Variants in NRDC observed in about 807,000 individuals in gnomAD.
NRDC encodes nardilysin.
A neutral mutation model predicts 147.1 loss-of-function variants in NRDC; 54 were observed. The observed-to-expected ratio is 0.37, with a 90% CI of 0.29 to 0.46. The LOEUF (loss-of-function observed/expected upper bound fraction) is 0.46. NRDC is among the 20% of genes least tolerant of loss of function. The pLI is 1.00. For missense variants in NRDC, 1,082 were observed against 1,370.6 expected (o/e 0.79, Z 3.33); for synonymous variants, 440 against 482.1 (o/e 0.91, Z 1.14).
Position 51,789,600 on chromosome 1 carries a change from T to G in NRDC, c.3226A>C (p.Arg1076=). 6.2e-7 allele frequency: 1 copy of G among 1,613,752 alleles called. No homozygotes were observed. Among genetic ancestry groups the G allele is most frequent in the Non-Finnish European group, 8.5e-7 (1 of 1,179,608 alleles). Residue 1076 remains arginine (R), a synonymous_variant, in exon 30 of 31, where the codon AGA becomes CGA. Transcript: ENST00000352171. ...CTGAGCATTTTACTTCCTGGCCCTC[T>G]ATGGGCCTTGAACCAGTTGACCAGG... ...SDLVNWFKAH[R]GPGSKMLSVH...
intron 24 of NRDC, among the ~76,000 whole-genome samples, chr1:51,793,729 G>GA (rs1167021256): frequency 1.3e-5 from 2 of 152,216 alleles, no homozygotes; most frequent in Non-Finnish European, 2.9e-5. Flanking sequence ...GTGAATTCCT[G>GA]ATGCAGGGAA....
At chr1:51,878,029 A>G in intron 1 of NRDC, 3 of 1,354,736 alleles carry the variant, frequency 2.2e-6, no homozygotes, top group Non-Finnish European at 2.8e-6. Context: ...TGCTTTAGCG[A>G]CTGTATTCAA....
intron 1 of NRDC, among the ~76,000 whole-genome samples, chr1:51,868,778 T>G (rs1419666855): frequency 6.6e-6 from 1 of 151,982 alleles, no homozygotes; most frequent in East Asian, 1.9e-4. Flanking sequence ...GAGGCTGAAG[T>G]GGGAGGATCA....
intron 1 of NRDC, among the ~76,000 whole-genome samples, chr1:51,843,286 A>T (rs141718897): frequency 4.5e-4 from 66 of 145,510 alleles, no homozygotes; most frequent in African/African-American, 1.6e-3. Flanking sequence ...GCAAGACATA[A>T]ATTTACTCCA....
At chr1:51,841,911 T>C (rs897832616) in intron 1 of NRDC, among the ~76,000 whole-genome samples, 1 of 152,198 alleles carries the variant, frequency 6.6e-6, no homozygotes, top group African/African-American at 2.4e-5. Context: ...GATGGAAGAC[T>C]GAACACTGGG....
chr1:51,865,987 A>G (rs1486993573), intron 1 of NRDC, among the ~76,000 whole-genome samples: 1 of 152,018 alleles, frequency 6.6e-6, no homozygotes, highest in Non-Finnish European at 1.5e-5. Context: ...AGAACCCAGG[A>G]GGCAGAGGTT....
chr1:51,800,488 C>G lies in NRDC; in HGVS notation c.2441+68G>C, dbSNP rs1571844948. On this transcript the variant is annotated intron_variant, in intron 21 of 30. Coordinates refer to ENST00000352171, the MANE Select transcript of NRDC (RefSeq NM_001101662.2). ...ACTGCAACTATAGCCTTAACCCCCACACCCACCCACTAGGGAGAGTAATAC... is the reference window on the plus strand; with the variant it reads ...ACTGCAACTATAGCCTTAACCCCCAGACCCACCCACTAGGGAGAGTAATAC... 12 of 1,552,778 alleles carry G rather than the reference C, an allele frequency of 7.7e-6. No homozygotes were observed. The East Asian group carries it at 2.7e-4, about 35-fold the overall frequency.
At chr1:51,806,260 A>G (rs1679458065) in intron 18 of NRDC, among the ~76,000 whole-genome samples, 1 of 152,194 alleles carries the variant, frequency 6.6e-6, no homozygotes, top group Non-Finnish European at 1.5e-5. Context: ...GGGCTTTCAC[A>G]TTTGTAATGC....
chr1:51,837,135 C>G (rs983374362), intron 2 of NRDC, among the ~76,000 whole-genome samples: 4 of 152,068 alleles, frequency 2.6e-5, no homozygotes, highest in Non-Finnish European at 5.9e-5. Flanking sequence ...AAAAAACGGT[C>G]AATTTGAATC....
At chr1:51,835,467 GTT>G (rs951683379) in intron 3 of NRDC, among the ~76,000 whole-genome samples, 29 of 114,604 alleles carry the variant, frequency 2.5e-4, no homozygotes, top group Admixed American at 6.2e-4. Context: ...TTTGTTTCTT[GTT>G]TTTTTTTTTT....
chr1:51,792,757 A>G (rs541051896), intron 24 of NRDC, among the ~76,000 whole-genome samples: 2 of 152,368 alleles, frequency 1.3e-5, no homozygotes, highest in East Asian at 3.9e-4. Flanking sequence ...TAAGGAAGAC[A>G]GCAGGAAATG....
intron 10 of NRDC, among the ~76,000 whole-genome samples, chr1:51,817,243 G>A (rs1680009469): frequency 6.6e-6 from 1 of 152,210 alleles, no homozygotes; most frequent in South Asian, 2.1e-4. Context: ...GCTGGGCACA[G>A]TGGCTCATGT....
At chr1:51,823,424 T>C (rs1320193809) in intron 7 of NRDC, among the ~76,000 whole-genome samples, 1 of 152,208 alleles carries the variant, frequency 6.6e-6, no homozygotes, top group Non-Finnish European at 1.5e-5. Flanking sequence ...CTACATATCT[T>C]ATCTTACAGA....
intron 4 of NRDC, among the ~76,000 whole-genome samples, chr1:51,829,965 C>CT (rs941972546): frequency 0.046 from 6,024 of 131,222 alleles, 274 homozygotes; most frequent in South Asian, 0.09. Context: ...TCTTTTATTT[C>CT]TTTTTTTTTT....
At chr1:51,838,204 A>G (rs1444421033) in intron 2 of NRDC, among the ~76,000 whole-genome samples, 4 of 152,194 alleles carry the variant, frequency 2.6e-5, no homozygotes, top group African/African-American at 9.6e-5. Context: ...GGATTATATC[A>G]CACTGAGTTC....
chr1:51,803,774 T>G, intron 20 of NRDC, 40 bp downstream of exon 20: 2 of 1,538,340 alleles, frequency 1.3e-6, no homozygotes, highest in Non-Finnish European at 1.8e-6. Context: ...ATATGGTATT[T>G]TAATGCTCTC....
At chr1:51,821,196 A>G (rs1680194101) in intron 8 of NRDC, among the ~76,000 whole-genome samples, 2 of 152,130 alleles carry the variant, frequency 1.3e-5, no homozygotes, top group Admixed American at 6.5e-5. Context: ...TGCCTCTCAT[A>G]TAGTATTTTC....
intron 1 of NRDC, among the ~76,000 whole-genome samples, chr1:51,848,371 C>G (rs992031297): frequency 6.6e-6 from 1 of 152,118 alleles, no homozygotes; most frequent in Non-Finnish European, 1.5e-5. Context: ...GTCCCAGCTA[C>G]TCAGGAGGCT....
intron 1 of NRDC, among the ~76,000 whole-genome samples, chr1:51,841,436 T>C (rs1415724566): frequency 6.6e-6 from 1 of 152,068 alleles, no homozygotes; most frequent in Non-Finnish European, 1.5e-5. Flanking sequence ...GTCTCCAGAG[T>C]AGCTGGGATC....
Sources: allele counts gnomAD v4.1 joint callset (sites outside exome capture counted in the v4.1 genomes callset), GRCh38; gene constraint gnomAD v4.1.1; transcripts MANE v1.5; gene names NCBI Gene and HGNC (gene_info 2026-07-23, HGNC 2026-07-21).